The following RBMS3 variants were observed in gnomAD, a reference collection of about 807,000 sequenced individuals.
RBMS3 encodes RNA binding motif single stranded interacting protein 3, also known as RNA-binding motif, single-stranded-interacting protein 3.
Under a neutral mutation model 66.8 loss-of-function variants are expected in RBMS3, and 27 were observed. The ratio of observed to expected loss-of-function variants is 0.40; its 90% CI spans 0.30 to 0.56. The LOEUF (loss-of-function observed/expected upper bound fraction) is 0.56, where lower values mean the gene tolerates loss of function less well. Among genes scored for constraint, RBMS3 ranks in the 20% least tolerant of loss-of-function variants. The probability of loss-of-function intolerance (pLI) is 0.40; values close to 1 mark genes in which losing one functional copy is unlikely to be tolerated. For missense variants in RBMS3, 513 were observed against 549.5 expected (o/e 0.93, Z 0.66); for synonymous variants, 188 against 183.0 (o/e 1.03, Z -0.22).
chr3:29,378,670 G>A (rs1028041402), intron 1 of RBMS3, among the ~76,000 whole-genome samples: 4 of 152,124 alleles, frequency 2.6e-5, no homozygotes, highest in Non-Finnish European at 5.9e-5. Context: ...AAGTGCATAT[G>A]TTCAGATGAT....
intron 7 of RBMS3, among the ~76,000 whole-genome samples, chr3:29,870,363 T>C (rs1197291644): frequency 6.6e-6 from 1 of 152,158 alleles, no homozygotes; most frequent in Non-Finnish European, 1.5e-5. Flanking sequence ...TTGGATAAAA[T>C]GCCTGCTGAT....
chr3:29,621,313 C>G (rs75462167), intron 4 of RBMS3, among the ~76,000 whole-genome samples: 12,007 of 151,952 alleles, frequency 0.079, 528 homozygotes, highest in African/African-American at 0.087. Flanking sequence ...ATTGTAAAGG[C>G]TGGAATGAAA....
intron 6 of RBMS3, among the ~76,000 whole-genome samples, chr3:29,791,426 A>G (rs9854652): frequency 0.57 from 85,674 of 151,534 alleles, 24,803 homozygotes; most frequent in African/African-American, 0.64. Flanking sequence ...AACAAAAGCA[A>G]CAAATGATAA....
At chr3:29,441,948 G>A (rs1183743098) in intron 2 of RBMS3, among the ~76,000 whole-genome samples, 1 of 152,090 alleles carries the variant, frequency 6.6e-6, no homozygotes, top group Non-Finnish European at 1.5e-5. Context: ...ATATTATTGT[G>A]AAAATTTGGG....
At chr3:29,997,737 C>G (rs1236573407) in intron 14 of RBMS3, among the ~76,000 whole-genome samples, 1 of 152,014 alleles carries the variant, frequency 6.6e-6, no homozygotes, top group Non-Finnish European at 1.5e-5. Context: ...GCTAAAAACT[C>G]TTAATAAATT....
chr3:29,432,738 G>A (rs1347194717), intron 1 of RBMS3, among the ~76,000 whole-genome samples: 1 of 152,148 alleles, frequency 6.6e-6, no homozygotes, highest in Non-Finnish European at 1.5e-5. Flanking sequence ...AGCTGTGAAG[G>A]AAAATACCAG....
chr3:29,706,126 G>A (rs1000918308), intron 4 of RBMS3, among the ~76,000 whole-genome samples: 28 of 152,178 alleles, frequency 1.8e-4, no homozygotes, highest in African/African-American at 6.8e-4. Flanking sequence ...TAGAAAGGAA[G>A]CATATGCCAT....
intron 6 of RBMS3, among the ~76,000 whole-genome samples, chr3:29,811,768 A>G (rs896780157): frequency 5.9e-5 from 9 of 152,186 alleles, no homozygotes; most frequent in Admixed American, 6.6e-5. Context: ...TTTGTCCATT[A>G]GGATAAAGAT....
intron 6 of RBMS3, among the ~76,000 whole-genome samples, chr3:29,835,982 T>C (rs933927393): frequency 3.3e-5 from 5 of 151,878 alleles, no homozygotes; most frequent in Admixed American, 6.6e-5. Flanking sequence ...AAGAGGCTAA[T>C]ATAAACAATT....
At chr3:29,759,041 A>G (rs1447317654) in intron 5 of RBMS3, among the ~76,000 whole-genome samples, 1 of 152,156 alleles carries the variant, frequency 6.6e-6, no homozygotes, top group African/African-American at 2.4e-5. Context: ...GTGATTCTCT[A>G]TGGAGGTGAC....
chr3:29,994,885 C>G (rs1050592196), intron 14 of RBMS3, among the ~76,000 whole-genome samples: 24 of 150,956 alleles, frequency 1.6e-4, no homozygotes, highest in Non-Finnish European at 2.5e-4. Context: ...TCCAAAGGAA[C>G]GCAGTTCCTC....
chr3:29,713,586 G>A (rs1204487950), intron 4 of RBMS3, among the ~76,000 whole-genome samples: 3 of 152,102 alleles, frequency 2.0e-5, no homozygotes, highest in South Asian at 4.1e-4. Flanking sequence ...TTTTGGCCAG[G>A]AAACTTCTCT....
intron 4 of RBMS3, among the ~76,000 whole-genome samples, chr3:29,597,738 AT>A (rs751508348): frequency 2.0e-5 from 3 of 151,330 alleles, no homozygotes; most frequent in African/African-American, 2.4e-5. Flanking sequence ...ATTGAAATGG[AT>A]TTTTTTTTCA....
intron 1 of RBMS3, among the ~76,000 whole-genome samples, chr3:29,422,464 G>A (rs2040789808): frequency 6.6e-6 from 1 of 151,448 alleles, no homozygotes. Context: ...AATTGGATGT[G>A]CCTATATTCT....
intron 1 of RBMS3, among the ~76,000 whole-genome samples, chr3:29,323,679 TACACAC>T (rs1337762998): frequency 8.6e-6 from 1 of 116,898 alleles, no homozygotes; most frequent in African/African-American, 3.7e-5. Context: ...CACATACAGT[TACACAC>T]ACACATACAC....
At chr3:29,894,677 T>C (rs575141946) in intron 8 of RBMS3, among the ~76,000 whole-genome samples, 2 of 151,576 alleles carry the variant, frequency 1.3e-5, no homozygotes, top group Admixed American at 1.3e-4. Flanking sequence ...TCACAAACAT[T>C]CAGTCCATAA....
chr3:29,924,918 T>C (rs2060892924), intron 10 of RBMS3: 1 of 151,868 alleles, frequency 6.6e-6, no homozygotes, highest in Non-Finnish European at 1.5e-5. Flanking sequence ...ACTTGACTCC[T>C]GACTGAGTTT....
rs559336086 is a variant in RBMS3, at chr3:29,835,279, C to T, written c.638-33579C>T. ...ATTGGACTTTAACTACATTTTAGAA[C>T]AAATGAACCTAGCAGACATACAAAA... is the stretch of plus-strand genomic sequence containing the variant. On this transcript the variant is annotated intron_variant, in intron 6 of 14. Transcript: ENST00000383767. Among the ~76,000 whole-genome samples the T allele has an allele frequency of 1.1e-4, 16 of 152,060 alleles. No individual in the cohort carries two copies. In the South Asian group the frequency reaches 2.5e-3, roughly 24 times the overall value.
intron 4 of RBMS3, among the ~76,000 whole-genome samples, chr3:29,632,204 C>T (rs900488539): frequency 6.6e-6 from 1 of 151,882 alleles, no homozygotes; most frequent in Non-Finnish European, 1.5e-5. Flanking sequence ...GATGCAGGCA[C>T]AGATGATTCA....
Sources: allele counts gnomAD v4.1 joint callset (sites outside exome capture counted in the v4.1 genomes callset), GRCh38; gene constraint gnomAD v4.1.1; transcripts MANE v1.5; gene names NCBI Gene and HGNC (gene_info 2026-07-23, HGNC 2026-07-21).